Variants in MCF2L observed in about 807,000 individuals in gnomAD.
MCF2L encodes the protein guanine nucleotide exchange factor DBS.
MCF2L carries 97 observed loss-of-function variants against 153.4 expected under a neutral mutation model. The ratio of observed to expected loss-of-function variants is 0.63; its 90% CI spans 0.54 to 0.75. The LOEUF (loss-of-function observed/expected upper bound fraction) is 0.75. Among genes scored for constraint, MCF2L ranks in the 30% least tolerant of loss-of-function variants. The pLI is 0.00. For synonymous variants in MCF2L, 659 were observed against 632.2 expected (o/e 1.04, Z -0.64); for missense variants, 1,347 against 1,495.2 (o/e 0.90, Z 1.64).
At chr13:113,038,853 T>G (rs538863921) in intron 3 of MCF2L, among the ~76,000 whole-genome samples, 107 of 152,300 alleles carry the variant, frequency 7.0e-4, no homozygotes, top group African/African-American at 2.3e-3. Context: ...TTGATTTATT[T>G]ATTGATTTAT....
intron 2 of MCF2L, among the ~76,000 whole-genome samples, chr13:113,023,123 G>A (rs1310354837): frequency 1.3e-5 from 2 of 152,246 alleles, no homozygotes; most frequent in Non-Finnish European, 2.9e-5. Flanking sequence ...CAGGTGAAGG[G>A]GGGCCGTCAC....
chr13:113,007,050 T>C (rs2083752322), intron 1 of MCF2L, among the ~76,000 whole-genome samples: 1 of 152,180 alleles, frequency 6.6e-6, no homozygotes, highest in East Asian at 1.9e-4. Flanking sequence ...CCTGTGTCTC[T>C]CAGACAGTGG....
intron 2 of MCF2L, among the ~76,000 whole-genome samples, chr13:113,017,920 A>G (rs1384757545): frequency 4.6e-5 from 7 of 152,080 alleles, no homozygotes; most frequent in African/African-American, 1.7e-4. Context: ...ATGGCTCCGA[A>G]TTTTCCTTTT....
At chr13:112,923,468 G>C (rs2081373979) in intron 2 of MCF2L, among the ~76,000 whole-genome samples, 1 of 151,960 alleles carries the variant, frequency 6.6e-6, no homozygotes, top group African/African-American at 2.4e-5. Flanking sequence ...GTTTCACCGT[G>C]TTAGCCAGGA....
chr13:112,894,464 G>A (rs1375525520), intron 1 of MCF2L: 1 of 151,488 alleles, frequency 6.6e-6, no homozygotes, highest in Non-Finnish European at 1.5e-5. Flanking sequence ...GAGGGGGCGC[G>A]GGGGTGACGG....
chr13:113,071,358 C>A (rs2141884931), intron 9 of MCF2L, among the ~76,000 whole-genome samples: 1 of 152,266 alleles, frequency 6.6e-6, no homozygotes, highest in East Asian at 1.9e-4. Context: ...TGTAACTTGT[C>A]TTTTCATCCT....
intron 4 of MCF2L, among the ~76,000 whole-genome samples, chr13:113,048,137 G>A (rs906827193): frequency 6.6e-6 from 1 of 152,248 alleles, no homozygotes; most frequent in Non-Finnish European, 1.5e-5. Flanking sequence ...TTTAGGTGTC[G>A]ATCTTCAGCT....
chr13:113,087,528 C>T, intron 22 of MCF2L, 72 bp downstream of exon 22: 1 of 1,334,714 alleles, frequency 7.5e-7, no homozygotes, highest in Non-Finnish European at 1.0e-6. Context: ...GTAACTCGGT[C>T]TGAGGTGGCC....
intron 1 of MCF2L, among the ~76,000 whole-genome samples, chr13:112,895,745 A>T (rs1449155304): frequency 1.3e-5 from 2 of 152,116 alleles, no homozygotes; most frequent in Non-Finnish European, 2.9e-5. Flanking sequence ...AGGCTCCCTC[A>T]GGACTCTCCT....
chr13:112,917,179 T>C (rs975638090), intron 2 of MCF2L: 1 of 471,026 alleles, frequency 2.1e-6, no homozygotes, highest in African/African-American at 2.0e-5. Flanking sequence ...AGTCCACAGC[T>C]CCAGTCCGGA....
At chr13:113,066,838 G>C (rs945250758) in intron 8 of MCF2L, among the ~76,000 whole-genome samples, 1 of 152,292 alleles carries the variant, frequency 6.6e-6, no homozygotes, top group South Asian at 2.1e-4. Context: ...ACAGCGGCTT[G>C]TCCGGCAGGG....
In MCF2L at chr13:113,045,502, C is replaced by T. The variant is rs989231882; in HGVS notation, c.369+141C>T. 4.6e-5 allele frequency: 33 copies of T among 716,468 alleles called. No individual in the cohort carries two copies. In the African/African-American group the frequency reaches 4.9e-4, roughly 11 times the overall value. 44.4% of individuals were successfully genotyped at this position (716,468 alleles called of 1,614,324 possible). On this transcript the variant is annotated intron_variant, in intron 4 of 29. Transcript: ENST00000535094. This position sits in a 1 kb window ranked among gnomAD's most constrained non-coding sequence, Gnocchi z 4.2. ...CCCAGTCCCGGCGGGTGGAGGCCGG[C>T]GCCAAGGCCCCCCCTGCTTGGGCTC...
intron 2 of MCF2L, among the ~76,000 whole-genome samples, chr13:112,923,184 T>C (rs1472656661): frequency 6.6e-6 from 1 of 152,136 alleles, no homozygotes; most frequent in African/African-American, 2.4e-5. Context: ...ATATACATTA[T>C]TATTTTCTAG....
chr13:112,979,286 C>T (rs987343916), intron 1 of MCF2L: 16 of 1,121,046 alleles, frequency 1.4e-5, no homozygotes, highest in South Asian at 1.3e-4. Context: ...CGCAAGCCCC[C>T]GCCCTGTTCG....
upstream of MCF2L, chr13:112,964,745 C>T (rs1055320620): frequency 1.3e-5 from 2 of 152,158 alleles, no homozygotes; most frequent in African/African-American, 4.8e-5. Flanking sequence ...CATGAAAAAA[C>T]GTTTAAGTGA....
intron 1 of MCF2L, among the ~76,000 whole-genome samples, chr13:113,004,272 C>A (rs990112471): frequency 6.6e-6 from 1 of 152,216 alleles, no homozygotes; most frequent in African/African-American, 2.4e-5. Flanking sequence ...TGCAGAGAAG[C>A]GTCCATCTGC....
intron 2 of MCF2L, among the ~76,000 whole-genome samples, chr13:112,905,455 C>G (rs866205956): frequency 1.3e-5 from 2 of 152,072 alleles, no homozygotes; most frequent in Non-Finnish European, 2.9e-5. Context: ...GGGAACGGCA[C>G]GAAGTTTGTT....
rs1298400965 is a variant in MCF2L, at chr13:113,099,064, TTAAAA to T, written c.*2211_*2215del. ...GCAAATTTATATATAGATTGGAGAT[TTAAAA>T]TAAAAGAAGACAGAACAGACAAACA... On this transcript the variant is annotated 3_prime_UTR_variant, in exon 30 of 30. Coordinates refer to ENST00000535094, the MANE Select transcript of MCF2L (RefSeq NM_001112732.3). 1 of 152,128 alleles carries T rather than the reference TTAAAA, an allele frequency of 6.6e-6. No individual in the cohort carries two copies. The highest frequency in any genetic ancestry group is 1.9e-4 in the East Asian group (1 of 5,196). 9.4% of individuals were successfully genotyped at this position (152,128 alleles called of 1,614,324 possible).
At chr13:112,972,244 G>A (rs2082059572) in intron 1 of MCF2L, among the ~76,000 whole-genome samples, 1 of 151,980 alleles carries the variant, frequency 6.6e-6, no homozygotes, top group Admixed American at 6.6e-5. Flanking sequence ...TGGGTAGATG[G>A]GTGGGTGGGT....
Sources: allele counts gnomAD v4.1 joint callset (sites outside exome capture counted in the v4.1 genomes callset), GRCh38; gene constraint gnomAD v4.1.1; non-coding constraint Gnocchi (gnomAD v3.1); transcripts MANE v1.5; gene names NCBI Gene and HGNC (gene_info 2026-07-23, HGNC 2026-07-21).